PCDHA12: variants seen among roughly 807,000 people sequenced by gnomAD.
PCDHA12 encodes the protein protocadherin alpha 12, also known as protocadherin alpha-12.
Under a neutral mutation model 60.0 loss-of-function variants are expected in PCDHA12, and 44 were observed. The ratio of observed to expected loss-of-function variants is 0.73; its 90% CI spans 0.58 to 0.94. PCDHA12 has a LOEUF of 0.94. Ranked by LOEUF, PCDHA12 falls within the 40% of genes least tolerant of loss-of-function variation. The pLI is 0.00. For synonymous variants in PCDHA12, 569 were observed against 553.0 expected, an observed-to-expected ratio of 1.03 and a Z score of -0.40; for missense variants, 1,276 against 1,239.7, an observed-to-expected ratio of 1.03 and a Z score of -0.44.
At chr5:140,916,647 C>T (rs2077666767) in intron 1 of PCDHA12, among the ~76,000 whole-genome samples, 1 of 152,180 alleles carries the variant, frequency 6.6e-6, no homozygotes, top group African/African-American at 2.4e-5. Context: ...TGTGGCTGAG[C>T]TGGTATCCAA....
chr5:141,009,868 G>C lies in PCDHA12; in HGVS notation c.2757G>C (p.Lys919Asn). 1 of 1,614,022 alleles carries C rather than the reference G, an allele frequency of 6.2e-7. No individual in the cohort carries two copies. Among genetic ancestry groups the C allele is most frequent in the Non-Finnish European group, 8.5e-7 (1 of 1,180,004 alleles). Residue 919 changes from lysine (K) to asparagine (N), a missense_variant, in exon 4 of 4, where the codon AAG becomes AAC. Transcript: ENST00000398631. ...AGGAGACCAAGAAAAAGAAGAAAAA[G>C]AAGAAGGGTAACAAGACCCAGGAGA... ...KKEETKKKKKKKKGNKTQEKK... is the reference protein window; with the variant it reads ...KKEETKKKKKNKKGNKTQEKK...
intron 3 of PCDHA12, among the ~76,000 whole-genome samples, chr5:140,989,348 G>A (rs1455202093): frequency 6.6e-6 from 1 of 152,196 alleles, no homozygotes; most frequent in African/African-American, 2.4e-5. Context: ...GCTCAAAGGT[G>A]ATAGGTCACC....
rs782009999 is a variant in PCDHA12, at chr5:140,928,473, C to G, written c.2368-50476C>G. 25 of 1,614,096 alleles carry G rather than the reference C, an allele frequency of 1.5e-5. No individual in the cohort carries two copies. The East Asian group carries it at 2.5e-4, about 16-fold the overall frequency. ...GGGGGTTTCATTTCCAAGTAGAAGGCCGGGATGGTGGCATTCCTCCCAGAA... is the reference window on the plus strand; with the variant it reads ...GGGGGTTTCATTTCCAAGTAGAAGGGCGGGATGGTGGCATTCCTCCCAGAA... On this transcript the variant is annotated intron_variant, in intron 1 of 3. Transcript: ENST00000398631.
At chr5:140,907,021 C>A (rs950958374) in intron 1 of PCDHA12, among the ~76,000 whole-genome samples, 1 of 152,168 alleles carries the variant, frequency 6.6e-6, no homozygotes, top group Non-Finnish European at 1.5e-5. Flanking sequence ...TCTAGGCCAG[C>A]AGAACATAAT....
chr5:140,978,506 C>T (rs914101151), intron 1 of PCDHA12, among the ~76,000 whole-genome samples: 22 of 152,244 alleles, frequency 1.4e-4, no homozygotes, highest in African/African-American at 4.1e-4. Context: ...GATTGCAGTC[C>T]TCTGCAGTCC....
chr5:140,928,821 C>T, intron 1 of PCDHA12: 2 of 1,614,142 alleles, frequency 1.2e-6, no homozygotes, highest in Non-Finnish European at 1.7e-6. Context: ...ACCATGGAGA[C>T]CCACCACTTT....
intron 1 of PCDHA12, among the ~76,000 whole-genome samples, chr5:140,916,853 T>G (rs1233420106): frequency 1.3e-5 from 2 of 152,160 alleles, no homozygotes; most frequent in East Asian, 3.9e-4. Flanking sequence ...AGCCCAGCAC[T>G]AGGAGTTACC....
chr5:140,947,347 G>A (rs1554218167), intron 1 of PCDHA12, among the ~76,000 whole-genome samples: 1 of 151,534 alleles, frequency 6.6e-6, no homozygotes, highest in Non-Finnish European at 1.5e-5. Context: ...CTTAATTCTG[G>A]ACTCTATTTC....
intron 1 of PCDHA12, among the ~76,000 whole-genome samples, chr5:140,907,247 T>C (rs1328809549): frequency 1.3e-5 from 2 of 152,216 alleles, no homozygotes; most frequent in Non-Finnish European, 2.9e-5. Context: ...GACATTGTAA[T>C]TGTGACTTCA....
intron 3 of PCDHA12, among the ~76,000 whole-genome samples, chr5:140,993,515 G>T (rs1351377291): frequency 6.7e-6 from 1 of 149,364 alleles, no homozygotes; most frequent in East Asian, 1.9e-4. Context: ...CACACGGGGA[G>T]AGAGAGACAG....
chr5:140,927,624 G>A (rs1554204821), intron 1 of PCDHA12: 3 of 1,614,212 alleles, frequency 1.9e-6, no homozygotes, highest in Non-Finnish European at 2.5e-6. Context: ...AGGTTCCAGA[G>A]ACTGCACCCA....
At chr5:140,954,036 T>G (rs527853766) in intron 1 of PCDHA12, among the ~76,000 whole-genome samples, 170 of 152,342 alleles carry the variant, frequency 1.1e-3, no homozygotes, top group African/African-American at 3.9e-3. Context: ...GATGTGGTAT[T>G]TGGTTTTCTG....
chr5:140,954,824 C>A (rs1167171102), intron 1 of PCDHA12, among the ~76,000 whole-genome samples: 1 of 152,068 alleles, frequency 6.6e-6, no homozygotes, highest in Admixed American at 6.6e-5. Flanking sequence ...GCTTTAGGCA[C>A]TTTTGTCATG....
intron 1 of PCDHA12, among the ~76,000 whole-genome samples, chr5:140,925,025 C>T (rs1180931899): frequency 6.6e-6 from 1 of 151,492 alleles, no homozygotes; most frequent in Non-Finnish European, 1.5e-5. Context: ...ATGGGAGGAT[C>T]GCTTGAGCCC....
intron 3 of PCDHA12, among the ~76,000 whole-genome samples, chr5:141,008,972 C>T (rs1554261973): frequency 6.6e-6 from 1 of 152,148 alleles, no homozygotes; most frequent in African/African-American, 2.4e-5. Context: ...CATTTATAGC[C>T]AAAGTTTAAT....
At chr5:140,938,897 G>T (rs72800999) in intron 1 of PCDHA12, among the ~76,000 whole-genome samples, 1 of 151,198 alleles carries the variant, frequency 6.6e-6, no homozygotes, top group East Asian at 1.9e-4. Context: ...ACACAGATGC[G>T]CACACACACA....
intron 1 of PCDHA12, chr5:140,928,661 G>A (rs1554206119): frequency 6.2e-7 from 1 of 1,614,218 alleles, no homozygotes; most frequent in Non-Finnish European, 8.5e-7. Flanking sequence ...GATGCTGACA[G>A]TGGTTCTAAT....
chr5:140,967,234 G>A (rs781912172), intron 1 of PCDHA12: 3 of 1,613,746 alleles, frequency 1.9e-6, no homozygotes, highest in South Asian at 1.1e-5. Context: ...ACCAGCTTCA[G>A]GTAAGCGAAT....
chr5:140,912,612 A>T (rs1286245692), intron 1 of PCDHA12, among the ~76,000 whole-genome samples: 1 of 151,994 alleles, frequency 6.6e-6, no homozygotes, highest in South Asian at 2.1e-4. Context: ...CTCTTGTCTG[A>T]TTACTCTGGA....
Sources: gnomAD v4.1 joint callset for allele counts (sites outside exome capture counted in the v4.1 genomes callset) on GRCh38, gnomAD v4.1.1 for gene constraint, MANE v1.5 for transcripts, NCBI Gene and HGNC (gene_info 2026-07-23, HGNC 2026-07-21) for gene names.